The following PTPRD variants were observed in gnomAD, a reference collection of about 807,000 sequenced individuals.
PTPRD encodes protein tyrosine phosphatase receptor type D.
In PTPRD, 34 loss-of-function variants were observed where a neutral mutation model predicts 214.5. The observed-to-expected ratio is 0.16, with a 90% confidence interval of 0.12 to 0.21. The LOEUF (loss-of-function observed/expected upper bound fraction) is 0.21, where lower values mean the gene tolerates loss of function less well. Ranked by LOEUF, PTPRD falls within the 10% of genes least tolerant of loss-of-function variation. The pLI is 1.00. For missense variants in PTPRD, 2,545 were observed against 2,398.7 expected, an observed-to-expected ratio of 1.06 and a Z score of -1.27; for synonymous variants, 1,128 against 845.7, an observed-to-expected ratio of 1.33 and a Z score of -5.79.
chr9:9,877,213 A>G (rs901340896), intron 5 of PTPRD, among the ~76,000 whole-genome samples: 2 of 152,196 alleles, frequency 1.3e-5, no homozygotes, highest in African/African-American at 4.8e-5. Flanking sequence ...CTCCTGAGTA[A>G]CTGGTAATGC....
intron 2 of PTPRD, among the ~76,000 whole-genome samples, chr9:10,550,271 T>C (rs1286309865): frequency 6.6e-6 from 1 of 152,214 alleles, no homozygotes; most frequent in East Asian, 1.9e-4. Context: ...CTTTCTTTTA[T>C]ACATATATAA....
At chr9:10,444,356 T>C (rs2098783597) in intron 2 of PTPRD, among the ~76,000 whole-genome samples, 1 of 151,824 alleles carries the variant, frequency 6.6e-6, no homozygotes, top group African/African-American at 2.4e-5. Context: ...ATTTGAAAAA[T>C]GCATAGCTCC....
chr9:9,749,948 A>C (rs1270730186), intron 6 of PTPRD, among the ~76,000 whole-genome samples: 7 of 152,188 alleles, frequency 4.6e-5, no homozygotes, highest in African/African-American at 1.7e-4. Context: ...ATAATAGAAG[A>C]TGCTCATATG....
chr9:8,351,754 A>T (rs1278920096), intron 39 of PTPRD, among the ~76,000 whole-genome samples: 3 of 121,178 alleles, frequency 2.5e-5, no homozygotes, highest in Non-Finnish European at 5.9e-5. Context: ...AAAAAAAAAA[A>T]AAAAAAAAAA....
chr9:8,633,196 A>G, intron 14 of PTPRD, 121 bp downstream of exon 14: 1 of 1,284,756 alleles, frequency 7.8e-7, no homozygotes, highest in Non-Finnish European at 1.1e-6. Context: ...CAAGTCTTAC[A>G]AACATTTAAC....
chr9:8,493,094 C>T, intron 26 of PTPRD, 115 bp from the exon 27 acceptor site: 1 of 829,840 alleles, frequency 1.2e-6, no homozygotes, highest in South Asian at 1.7e-5. Context: ...TGCAGCCATG[C>T]TAAGCCCTGG....
intron 3 of PTPRD, among the ~76,000 whole-genome samples, chr9:10,196,813 A>AGT (rs2099400166): frequency 2.7e-5 from 4 of 146,020 alleles, no homozygotes; most frequent in African/African-American, 1.0e-4. Context: ...AGTGTTCAGA[A>AGT]GTGGGGCTCT....
chr9:9,843,884 T>G (rs1244472176), intron 5 of PTPRD, among the ~76,000 whole-genome samples: 1 of 152,032 alleles, frequency 6.6e-6, no homozygotes, highest in Non-Finnish European at 1.5e-5. Flanking sequence ...CCAGTTATCT[T>G]ATCGAATAGA....
chr9:8,429,732 G>C (rs1315035629), intron 35 of PTPRD, among the ~76,000 whole-genome samples: 2 of 152,178 alleles, frequency 1.3e-5, no homozygotes, highest in East Asian at 1.9e-4. Context: ...TGAGCACTGA[G>C]ACTGGAGACA....
At chr9:9,480,286 T>C (rs2095350269) in intron 8 of PTPRD, among the ~76,000 whole-genome samples, 1 of 152,198 alleles carries the variant, frequency 6.6e-6, no homozygotes, top group South Asian at 2.1e-4. Flanking sequence ...ACATTTTCTC[T>C]TCTAAGTTAA....
intron 5 of PTPRD, among the ~76,000 whole-genome samples, chr9:9,816,923 G>C (rs907357597): frequency 1.3e-5 from 2 of 151,698 alleles, no homozygotes; most frequent in African/African-American, 4.8e-5. Context: ...AAAAAAGTTT[G>C]TTTTTTCTTA....
At chr9:8,728,153 C>T (rs1300586237) in intron 12 of PTPRD, among the ~76,000 whole-genome samples, 3 of 152,022 alleles carry the variant, frequency 2.0e-5, no homozygotes, top group Admixed American at 6.6e-5. Flanking sequence ...GAGAGGCTGA[C>T]GCAGGAGAAT....
intron 3 of PTPRD, among the ~76,000 whole-genome samples, chr9:10,162,255 G>A (rs950084512): frequency 2.0e-5 from 3 of 151,462 alleles, no homozygotes; most frequent in Non-Finnish European, 4.4e-5. Flanking sequence ...CTCATTTACT[G>A]TAGCACCCTT....
chr9:8,338,584 A>C (rs981040927), intron 43 of PTPRD, among the ~76,000 whole-genome samples: 9 of 152,104 alleles, frequency 5.9e-5, no homozygotes, highest in African/African-American at 1.9e-4. Flanking sequence ...GAAGTCAAAA[A>C]AGCTCCAAAG....
intron 7 of PTPRD, among the ~76,000 whole-genome samples, chr9:9,691,910 T>A (rs1010984846): frequency 1.3e-5 from 2 of 152,084 alleles, no homozygotes; most frequent in Non-Finnish European, 2.9e-5. Flanking sequence ...CTGTTTGCCA[T>A]TTGTATGCCT....
At chr9:9,243,809 G>A (rs1483778839) in intron 9 of PTPRD, among the ~76,000 whole-genome samples, 1 of 152,148 alleles carries the variant, frequency 6.6e-6, no homozygotes, top group Non-Finnish European at 1.5e-5. Flanking sequence ...GCAGGAGAAT[G>A]AAGTAAAGGG....
At chr9:9,604,736 T>G (rs2094029808) in intron 7 of PTPRD, among the ~76,000 whole-genome samples, 1 of 152,156 alleles carries the variant, frequency 6.6e-6, no homozygotes, top group African/African-American at 2.4e-5. Flanking sequence ...GGGTATTTGT[T>G]TGACAAAGTC....
chr9:10,445,928 T>C (rs376206749), intron 2 of PTPRD, among the ~76,000 whole-genome samples: 2 of 152,210 alleles, frequency 1.3e-5, no homozygotes, highest in South Asian at 2.1e-4. Flanking sequence ...GGTTTGCTTG[T>C]TGGTTTCTTA....
At chr9:9,306,246 T>G (rs1053418820) in intron 9 of PTPRD, among the ~76,000 whole-genome samples, 1 of 151,986 alleles carries the variant, frequency 6.6e-6, no homozygotes, top group African/African-American at 2.4e-5. Flanking sequence ...TTTAACCACA[T>G]GTACATATTT....
Sources: allele counts gnomAD v4.1 joint callset (sites outside exome capture counted in the v4.1 genomes callset), GRCh38; gene constraint gnomAD v4.1.1; transcripts MANE v1.5; gene names NCBI Gene and HGNC (gene_info 2026-07-23, HGNC 2026-07-21).